LARGE1: variants seen among roughly 807,000 people sequenced by gnomAD.
LARGE1 encodes the protein LARGE xylosyl- and glucuronyltransferase 1.
LARGE1 carries 43 observed loss-of-function variants against 87.6 expected under a neutral mutation model. The observed-to-expected ratio is 0.49, with a 90% CI of 0.38 to 0.63. LARGE1 has a LOEUF of 0.63. LARGE1 is among the 30% of genes least tolerant of loss of function. LARGE1 has a pLI of 0.00. For synonymous variants in LARGE1, 434 were observed against 394.6 expected (o/e 1.10, Z -1.18); for missense variants, 802 against 1,000.2 (o/e 0.80, Z 2.67).
At chr22:33,611,428 T>C (rs887213038) in intron 4 of LARGE1, among the ~76,000 whole-genome samples, 3 of 152,248 alleles carry the variant, frequency 2.0e-5, no homozygotes, top group African/African-American at 7.2e-5. Context: ...TAAGACTTAA[T>C]GACTGCCCTG....
intron 2 of LARGE1, among the ~76,000 whole-genome samples, chr22:33,684,428 A>G (rs2081881505): frequency 6.6e-6 from 1 of 151,996 alleles, no homozygotes; most frequent in African/African-American, 2.4e-5. Context: ...TGCCCCCGAG[A>G]AACAAGACGG....
At chr22:33,857,286 A>C (rs2063782937) in intron 1 of LARGE1, among the ~76,000 whole-genome samples, 1 of 152,216 alleles carries the variant, frequency 6.6e-6, no homozygotes, top group Non-Finnish European at 1.5e-5. Context: ...CTAAGCTGGA[A>C]GCCAAAAGGA....
intron 12 of LARGE1, among the ~76,000 whole-genome samples, chr22:33,290,809 C>T (rs1306056919): frequency 6.6e-6 from 1 of 152,074 alleles, no homozygotes; most frequent in Non-Finnish European, 1.5e-5. Context: ...GAGGCTGAGG[C>T]GGGTGGATCA....
chr22:33,335,479 C>T (rs1938333509), intron 10 of LARGE1, among the ~76,000 whole-genome samples: 1 of 152,172 alleles, frequency 6.6e-6, no homozygotes, highest in South Asian at 2.1e-4. Context: ...CGAGTACATG[C>T]CTCTGGTCCT....
chr22:33,252,255 C>G (rs895828713), intron 11 of LARGE1, among the ~76,000 whole-genome samples: 2 of 132,188 alleles, frequency 1.5e-5, no homozygotes, highest in African/African-American at 5.9e-5. Flanking sequence ...CTTCATTCCC[C>G]CCCCCCCCGC....
chr22:33,880,200 G>T (rs1289640897), intron 1 of LARGE1, among the ~76,000 whole-genome samples: 2 of 152,190 alleles, frequency 1.3e-5, no homozygotes, highest in African/African-American at 4.8e-5. Context: ...GGTTTAAGCT[G>T]AAGTAAAAGA....
chr22:33,137,540 A>G, the LARGE1 span, among the ~76,000 whole-genome samples: 1 of 152,248 alleles, frequency 6.6e-6, no homozygotes, highest in Non-Finnish European at 1.5e-5. Flanking sequence ...AAATTTGCAT[A>G]TGTAATGAGG....
chr22:33,770,154 CATT>C (rs2085021731), intron 1 of LARGE1, among the ~76,000 whole-genome samples: 1 of 152,198 alleles, frequency 6.6e-6, no homozygotes, highest in Non-Finnish European at 1.5e-5. Context: ...GAATCCATTT[CATT>C]GTAGCTAATA....
chr22:33,726,377 C>A (rs2083273365), intron 2 of LARGE1, among the ~76,000 whole-genome samples: 1 of 152,200 alleles, frequency 6.6e-6, no homozygotes, highest in Non-Finnish European at 1.5e-5. Flanking sequence ...TGAGAGCACA[C>A]AGCTATAAAA....
chr22:33,906,003 G>A (rs955180452), intron 1 of LARGE1, among the ~76,000 whole-genome samples: 6 of 152,086 alleles, frequency 3.9e-5, no homozygotes, highest in African/African-American at 1.4e-4. Context: ...GGTGGCAGGC[G>A]CCTGTAGTCC....
At position 33,432,210 on chromosome 22, in the gene LARGE1, C is replaced by G; in HGVS notation, c.843G>C (p.Leu281=). 6.2e-7 allele frequency: 1 copy of G among 1,614,178 alleles called. No individual in the cohort carries two copies. Among genetic ancestry groups the G allele is most frequent in the Non-Finnish European group, 8.5e-7 (1 of 1,180,036 alleles). The stretch of plus-strand genomic sequence containing the variant: ...CTGGCCATGGGCGGTGATTTTTCCA[C>G]AGGTTTCCAAGGTACCAGTCACTCT... ...ENQSDWYLGN[L]WKNHRPWPAL... The change falls in exon 7 of 15, where the codon CTG becomes CTC. Residue 281 remains leucine (L), a synonymous_variant. Coordinates refer to ENST00000397394, the MANE Select transcript of LARGE1 (RefSeq NM_133642.5).
At chr22:33,386,538 C>A (rs1340277209) in intron 7 of LARGE1, among the ~76,000 whole-genome samples, 2 of 148,828 alleles carry the variant, frequency 1.3e-5, no homozygotes, top group East Asian at 1.9e-4. Context: ...AAAAAAACGG[C>A]CGGATTTGTA....
intron 2 of LARGE1, among the ~76,000 whole-genome samples, chr22:33,712,636 CAGTG>C (rs1431688635): frequency 3.0e-5 from 3 of 101,448 alleles, no homozygotes; most frequent in East Asian, 3.4e-4. Context: ...GTGAGGGGTA[CAGTG>C]TGTGTGTGTG....
intron 2 of LARGE1, among the ~76,000 whole-genome samples, chr22:33,736,257 G>A (rs748545547): frequency 3.9e-5 from 6 of 152,072 alleles, no homozygotes; most frequent in South Asian, 2.1e-4. Context: ...TATTCCCACC[G>A]GCAATGTATA....
At chr22:33,159,615 T>C (rs544909264), downstream of LARGE1, among the ~76,000 whole-genome samples, 9 of 151,570 alleles carry the variant, frequency 5.9e-5, no homozygotes, top group Non-Finnish European at 1.2e-4. Context: ...GATGGAGTCT[T>C]TCTCTGTCAC....
chr22:33,294,680 G>A (rs1932986112), intron 12 of LARGE1, among the ~76,000 whole-genome samples: 1 of 152,082 alleles, frequency 6.6e-6, no homozygotes, highest in African/African-American at 2.4e-5. Context: ...AGACTGTTTC[G>A]CTCACTGGTG....
intron 6 of LARGE1, among the ~76,000 whole-genome samples, chr22:33,483,552 C>T (rs1352894288): frequency 6.6e-6 from 1 of 152,088 alleles, no homozygotes; most frequent in African/African-American, 2.4e-5. Context: ...GATGGTCAAA[C>T]AGCAGCTCTA....
At chr22:33,707,331 T>C (rs561346970) in intron 2 of LARGE1, among the ~76,000 whole-genome samples, 119 of 152,348 alleles carry the variant, frequency 7.8e-4, no homozygotes, top group African/African-American at 2.7e-3. Flanking sequence ...TCCAGGTGAA[T>C]GGGAAAAACA....
At chr22:33,843,091 A>C (rs1044528319) in intron 1 of LARGE1, among the ~76,000 whole-genome samples, 3 of 152,098 alleles carry the variant, frequency 2.0e-5, no homozygotes, top group African/African-American at 7.2e-5. Context: ...TCATCCTCAC[A>C]ACCCAACCCA....
Sources: allele counts gnomAD v4.1 joint callset (sites outside exome capture counted in the v4.1 genomes callset), GRCh38; gene constraint gnomAD v4.1.1; transcripts MANE v1.5; gene names NCBI Gene and HGNC (gene_info 2026-07-23, HGNC 2026-07-21).